ELL: variants seen among roughly 807,000 people sequenced by gnomAD.
The protein encoded by ELL is RNA polymerase II elongation factor ELL.
Under a neutral mutation model 64.0 loss-of-function variants are expected in ELL, and 18 were observed. That is an observed-to-expected ratio of 0.28 (90% CI 0.19 to 0.42). The LOEUF (loss-of-function observed/expected upper bound fraction) is 0.42, where lower values mean the gene tolerates loss of function less well. Among genes scored for constraint, ELL ranks in the 10% least tolerant of loss-of-function variants. ELL has a pLI of 1.00. For missense variants in ELL, 797 were observed against 870.4 expected (o/e 0.92, Z 1.06); for synonymous variants, 399 against 376.2 (o/e 1.06, Z -0.70).
chr19:18,501,622 G>A lies in ELL; in HGVS notation c.135+20299C>T, dbSNP rs1975781774. On this transcript the variant is annotated intron_variant, in intron 1 of 11. Coordinates refer to ENST00000262809, the MANE Select transcript of ELL (RefSeq NM_006532.4). This position sits in a 1 kb window ranked among gnomAD's most constrained non-coding sequence, Gnocchi z 4.5. ...GCCGGCTACTCACGAGTGCACACGA[G>A]GACAGCCAGGATTCACTAGGACAGG... Among the ~76,000 whole-genome samples, 1 of 152,226 alleles carries A rather than the reference G, an allele frequency of 6.6e-6. No homozygotes were observed. The highest frequency in any genetic ancestry group is 2.4e-5 in the African/African-American group (1 of 41,456).
chr19:18,504,437 A>G (rs1975842629), intron 1 of ELL, among the ~76,000 whole-genome samples: 1 of 151,332 alleles, frequency 6.6e-6, no homozygotes, highest in African/African-American at 2.4e-5. Flanking sequence ...TTCAACTCCC[A>G]TCTGAAATTG....
intron 1 of ELL, among the ~76,000 whole-genome samples, chr19:18,481,564 C>T (rs1975300409): frequency 6.6e-6 from 1 of 152,178 alleles, no homozygotes; most frequent in African/African-American, 2.4e-5. Flanking sequence ...GCAGGGTAAC[C>T]TCCCCATCTC....
At position 18,522,061 on chromosome 19, in the gene ELL, G is replaced by C. The variant is rs370385567; in HGVS notation, c.-6C>G. 1.9e-6 allele frequency: 3 copies of C among 1,598,172 alleles called. No individual in the cohort carries two copies. Among genetic ancestry groups the C allele is most frequent in the Admixed American group, 3.4e-5 (2 of 59,104 alleles). On this transcript the variant is annotated 5_prime_UTR_variant, in exon 1 of 12. Transcript: ENST00000262809. ...TCCTCCTTCAGCGCCGCCATCTTGC[G>C]ACCATCTCTCCCCCGCGCCCCCTTC...
chr19:18,479,902 A>G (rs1489717274), intron 1 of ELL, among the ~76,000 whole-genome samples: 3 of 151,924 alleles, frequency 2.0e-5, no homozygotes, highest in African/African-American at 7.3e-5. Context: ...GGCTGCCCCA[A>G]AGACACATGA....
chr19:18,505,899 C>G (rs952793261), intron 1 of ELL, among the ~76,000 whole-genome samples: 3 of 152,186 alleles, frequency 2.0e-5, no homozygotes, highest in Admixed American at 6.5e-5. Context: ...AACTGAGGCC[C>G]AGAGGGTGGC....
rs1974327559 is a variant in ELL, at chr19:18,443,051, G to A, written c.*1701C>T. On this transcript the variant is annotated 3_prime_UTR_variant, in exon 12 of 12. Coordinates refer to ENST00000262809, the MANE Select transcript of ELL (RefSeq NM_006532.4). ...ATTCAACTGACAGCCCCTTGGACTG[G>A]TTCCCAGGGCAGAGGGGCGGGCAGT... The A allele has an allele frequency of 4.3e-6, 1 of 232,356 alleles. No individual in the cohort carries two copies. Among genetic ancestry groups the A allele is most frequent in the African/African-American group, 2.2e-5 (1 of 45,270 alleles). The allele number at this position is 232,356 out of a possible 1,614,324, so 14.4% of individuals were successfully genotyped here. A position where few individuals can be genotyped will look rare whatever the true frequency, so the allele number is the denominator to read the frequency against.
intron 5 of ELL, among the ~76,000 whole-genome samples, chr19:18,460,590 C>T (rs552306600): frequency 1.3e-5 from 2 of 152,232 alleles, no homozygotes; most frequent in African/African-American, 2.4e-5. Flanking sequence ...GGCTGACATC[C>T]TCCCAAGGAA....
intron 1 of ELL, chr19:18,473,294 CT>C: frequency 4.2e-6 from 2 of 472,334 alleles, no homozygotes. Flanking sequence ...AGGGTTGACC[CT>C]GGATCATGAC....
chr19:18,472,886 TAAAAAAAAA>T lies in ELL; in HGVS notation c.136-13_136-5del. 3.3e-6 allele frequency: 4 copies of T among 1,213,058 alleles called. No homozygotes were observed. Among genetic ancestry groups the T allele is most frequent in the Non-Finnish European group, 4.2e-6 (4 of 961,844 alleles). The allele number at this position is 1,213,058 out of a possible 1,614,324, so 75.1% of individuals were successfully genotyped here. A position where few individuals can be genotyped will look rare whatever the true frequency, so the allele number is the denominator to read the frequency against. ...ATGGCCTCAGTGAAACAGAATCCTA[TAAAAAAAAA>T]AAAAAAAAAAAAAAGGTGAGGGGAA... is the stretch of plus-strand genomic sequence containing the variant. On this transcript the variant is annotated splice_region_variant and splice_polypyrimidine_tract_variant and intron_variant, in intron 1 of 11. Coordinates refer to ENST00000262809, the MANE Select transcript of ELL (RefSeq NM_006532.4).
In ELL at chr19:18,521,905, G is replaced by C. The variant is rs755627453; in HGVS notation, c.135+16C>G. ...CGGACGTTCCCCACTGGCGCGCCGG[G>C]CGCCATGCCACTCACCTGTCTGGCG... On this transcript the variant is annotated intron_variant, in intron 1 of 11. Coordinates refer to ENST00000262809, the MANE Select transcript of ELL (RefSeq NM_006532.4). The C allele has an allele frequency of 1.1e-4, 173 of 1,570,528 alleles. No homozygotes were observed. Among genetic ancestry groups the C allele is most frequent in the Non-Finnish European group, 1.5e-4 (169 of 1,158,510 alleles).
rs557279313 is a variant in ELL, at chr19:18,442,737, A to C, written c.*2015T>G. The C allele has an allele frequency of 5.7e-4, 114 of 198,324 alleles. No individual in the cohort carries two copies. Among genetic ancestry groups the C allele is most frequent in the African/African-American group, 2.3e-3 (97 of 41,408 alleles). 12.3% of individuals were successfully genotyped at this position (198,324 alleles called of 1,614,324 possible). A position where few individuals can be genotyped will look rare whatever the true frequency, so the allele number is the denominator to read the frequency against. ...GTTTAGTGTACAAAAAGGACACTAGATCTTTTAAGAAAATATCAGGAAACT... is the reference window on the plus strand; with the variant it reads ...GTTTAGTGTACAAAAAGGACACTAGCTCTTTTAAGAAAATATCAGGAAACT... On this transcript the variant is annotated 3_prime_UTR_variant, in exon 12 of 12. Transcript: ENST00000262809.
At chr19:18,519,993 C>G (rs903569425) in intron 1 of ELL, among the ~76,000 whole-genome samples, 1 of 152,088 alleles carries the variant, frequency 6.6e-6, no homozygotes, top group African/African-American at 2.4e-5. Flanking sequence ...ACACACTGCC[C>G]TACACAGCTG....
rs1039318752 is a variant in ELL, at chr19:18,449,975, G to A, written c.1465+502C>T. On this transcript the variant is annotated intron_variant, in intron 8 of 11. Coordinates refer to ENST00000262809, the MANE Select transcript of ELL (RefSeq NM_006532.4). The surrounding 1 kb of genome is among the most constrained non-coding windows in gnomAD (Gnocchi z 4.4). ...CAGAAACCTACAGTCCACAACAGTCGCACGGTGCCTACAGAGGTCCAGGTG... is the reference window on the plus strand; with the variant it reads ...CAGAAACCTACAGTCCACAACAGTCACACGGTGCCTACAGAGGTCCAGGTG... Among the ~76,000 whole-genome samples the A allele has an allele frequency of 5.4e-5, 6 of 111,370 alleles. No individual in the cohort carries two copies. The highest frequency in any genetic ancestry group is 9.8e-5 in the Non-Finnish European group (5 of 50,978). The allele number at this position is 111,370 out of a possible 152,430, so 73.1% of individuals were successfully genotyped here. A position where few individuals can be genotyped will look rare whatever the true frequency, so the allele number is the denominator to read the frequency against.
intron 1 of ELL, among the ~76,000 whole-genome samples, chr19:18,520,657 C>T (rs1232984848): frequency 6.6e-6 from 1 of 151,904 alleles, no homozygotes; most frequent in Non-Finnish European, 1.5e-5. Flanking sequence ...AAGTTCGGGG[C>T]AGGAAGAAAG....
intron 1 of ELL, among the ~76,000 whole-genome samples, chr19:18,509,940 C>A (rs188586386): frequency 6.6e-6 from 1 of 152,226 alleles, no homozygotes; most frequent in African/African-American, 2.4e-5. Flanking sequence ...AGATTCTGCA[C>A]CCATCTGAGC....
In ELL at chr19:18,521,913, C is replaced by T. The variant is rs755428610; in HGVS notation, c.135+8G>A. The T allele has an allele frequency of 6.3e-7, 1 of 1,582,852 alleles. No individual in the cohort carries two copies. Among genetic ancestry groups the T allele is most frequent in the Admixed American group, 1.8e-5 (1 of 55,956 alleles). On this transcript the variant is annotated splice_region_variant and intron_variant, in intron 1 of 11. Transcript: ENST00000262809. ...CCCCACTGGCGCGCCGGGCGCCATGCCACTCACCTGTCTGGCGCGGTAGCT... is the reference window on the plus strand; with the variant it reads ...CCCCACTGGCGCGCCGGGCGCCATGTCACTCACCTGTCTGGCGCGGTAGCT...
chr19:18,451,731 G>A (rs1600428014), intron 6 of ELL, 83 bp from the exon 7 acceptor site: 2 of 1,111,230 alleles, frequency 1.8e-6, no homozygotes, highest in Non-Finnish European at 2.4e-6. Flanking sequence ...GGGGCCCGGT[G>A]GAGATGCCTC....
Position 18,450,663 on chromosome 19 carries a change from G to A in ELL, c.1279C>T (p.Leu427=), listed in dbSNP as rs34868531. 15,961 of 1,591,648 alleles carry A rather than the reference G, an allele frequency of 0.01. 213 individuals are homozygous for A. Among genetic ancestry groups the A allele is most frequent in the African/African-American group, 0.068 (5,068 of 74,724 alleles). Residue 427 remains leucine (L), a synonymous_variant, in exon 8 of 12, where the codon CTG becomes TTG. Transcript: ENST00000262809. ...AAPAPTVRLG[L]PLLTDCAQPS... is the part of the protein sequence containing the mutation. The stretch of plus-strand genomic sequence containing the variant: ...TGGGCACAGTCCGTCAGCAGGGGCA[G>A]GCCGAGGCGCACAGTGGGGGCTGGG...
At chr19:18,486,222 G>A (rs910379488) in intron 1 of ELL, among the ~76,000 whole-genome samples, 7 of 152,178 alleles carry the variant, frequency 4.6e-5, no homozygotes, top group African/African-American at 1.7e-4. Context: ...GGGCTTCTGT[G>A]TGAAGCTTAG....
Sources: allele counts gnomAD v4.1 joint callset (sites outside exome capture counted in the v4.1 genomes callset), GRCh38; gene constraint gnomAD v4.1.1; non-coding constraint Gnocchi (gnomAD v3.1); transcripts MANE v1.5; gene names NCBI Gene and HGNC (gene_info 2026-07-23, HGNC 2026-07-21).